The following RHOBTB3 variants were observed in gnomAD, a reference collection of about 807,000 sequenced individuals.
RHOBTB3 encodes Rho related BTB domain containing 3, also known as rho-related BTB domain-containing protein 3.
Under a neutral mutation model 67.2 loss-of-function variants are expected in RHOBTB3, and 47 were observed. That is an observed-to-expected ratio of 0.70 (90% CI 0.55 to 0.89). The LOEUF is 0.89. RHOBTB3 is among the 40% of genes least tolerant of loss of function. The pLI is 0.00. For synonymous variants in RHOBTB3, 273 were observed against 274.2 expected (o/e 1.00, Z 0.04); for missense variants, 631 against 750.0 (o/e 0.84, Z 1.85).
At chr5:95,775,080 G>A (rs1290772164) in intron 8 of RHOBTB3, among the ~76,000 whole-genome samples, 1 of 152,036 alleles carries the variant, frequency 6.6e-6, no homozygotes, top group African/African-American at 2.4e-5. Context: ...TAAAACACCT[G>A]GTTAGTGCAC....
upstream of RHOBTB3, chr5:95,731,103 G>C (rs1046753669): frequency 9.9e-6 from 11 of 1,106,582 alleles, no homozygotes; most frequent in African/African-American, 5.0e-5. Flanking sequence ...GGGAGCTCTC[G>C]GGCTGGGGCG....
intron 3 of RHOBTB3, among the ~76,000 whole-genome samples, chr5:95,741,825 A>G (rs1335788659): frequency 6.6e-6 from 1 of 152,016 alleles, no homozygotes; most frequent in African/African-American, 2.4e-5. Flanking sequence ...CGTTCTTCCT[A>G]TACTTATTGG....
intron 8 of RHOBTB3, among the ~76,000 whole-genome samples, chr5:95,777,887 T>C (rs571358511): frequency 6.6e-6 from 1 of 152,100 alleles, no homozygotes; most frequent in East Asian, 1.9e-4. Context: ...GAGGCTGAGG[T>C]GGGAGCATCA....
chr5:95,759,497 T>C (rs1350594192), intron 6 of RHOBTB3, among the ~76,000 whole-genome samples: 1 of 152,136 alleles, frequency 6.6e-6, no homozygotes, highest in Non-Finnish European at 1.5e-5. Context: ...GAGAAAAAAA[T>C]TTACCCAGAT....
In RHOBTB3 at chr5:95,743,656, C is replaced by A. The variant is rs976452954; in HGVS notation, c.416-4677C>A. ...TTCTCCCTCCCTCTCTTTCTCCTTC[C>A]CCCTTCCTTCTTTCCTCCCCTCTTC... On this transcript the variant is annotated intron_variant, in intron 3 of 11. Coordinates refer to ENST00000379982, the MANE Select transcript of RHOBTB3 (RefSeq NM_014899.4). 3.4e-5 allele frequency among the ~76,000 whole-genome samples: 5 copies of A among 148,626 alleles called. No individual in the cohort carries two copies. The South Asian group carries it at 6.5e-4, about 19-fold the overall frequency.
intron 8 of RHOBTB3, among the ~76,000 whole-genome samples, chr5:95,771,441 G>C (rs1745709341): frequency 2.0e-5 from 3 of 152,166 alleles, no homozygotes; most frequent in Admixed American, 2.0e-4. Context: ...CTTCCGACAA[G>C]CCACGGCCAG....
intron 9 of RHOBTB3, 31 bp from the exon 10 acceptor site, chr5:95,783,766 C>T: frequency 1.9e-6 from 3 of 1,570,910 alleles, no homozygotes; most frequent in Non-Finnish European, 2.6e-6. Context: ...GTTTCATCAT[C>T]CACTTTCTCT....
intron 2 of RHOBTB3, among the ~76,000 whole-genome samples, chr5:95,733,061 G>A (rs1347132384): frequency 2.0e-5 from 3 of 152,066 alleles, no homozygotes; most frequent in Admixed American, 2.0e-4. Flanking sequence ...AAAGTATCAC[G>A]CCATTCTAAA....
intron 10 of RHOBTB3, among the ~76,000 whole-genome samples, chr5:95,784,223 A>G (rs903462113): frequency 6.6e-6 from 1 of 152,178 alleles, no homozygotes; most frequent in South Asian, 2.1e-4. Context: ...CCCTTAGTAG[A>G]GTCATTTGAA....
intron 10 of RHOBTB3, among the ~76,000 whole-genome samples, chr5:95,784,871 TGTG>T (rs1442891205): frequency 1.1e-4 from 16 of 152,172 alleles, no homozygotes; most frequent in Admixed American, 6.5e-5. Flanking sequence ...TTTCAGCACT[TGTG>T]GTAGTTATGG....
chr5:95,747,419 C>CTAAGAGTCTGTAGATTG (rs1744954368), intron 3 of RHOBTB3, among the ~76,000 whole-genome samples: 1 of 152,232 alleles, frequency 6.6e-6, no homozygotes, highest in African/African-American at 2.4e-5. Flanking sequence ...TCTGCCTCCC[C>CTAAGAGTCTGTAGATTG]ACGGGAAGCC....
Position 95,741,713 on chromosome 5 carries a change from G to A in RHOBTB3, c.415+4638G>A, listed in dbSNP as rs573494844. On this transcript the variant is annotated intron_variant, in intron 3 of 11. Transcript: ENST00000379982. Reference sequence around the variant, plus strand: ...CCCAGTGGGTTTGGGGGGAGGGACCGTGTCTGTCATAATATGAACATTTTT... The same window carrying A: ...CCCAGTGGGTTTGGGGGGAGGGACCATGTCTGTCATAATATGAACATTTTT... Among the ~76,000 whole-genome samples, 4 of 151,756 alleles carry A rather than the reference G, an allele frequency of 2.6e-5. No individual in the cohort carries two copies. In the South Asian group the frequency reaches 8.3e-4, roughly 32 times the overall value.
rs1199367263 is a variant in RHOBTB3 at position 95,736,841 on chromosome 5, G to T, written c.229-48G>T. ...TAATGTCATAAATTATTTCAGGATT[G>T]ATTGGACGATAAGTAGACTAAAGAT... is the stretch of plus-strand genomic sequence containing the variant. On this transcript the variant is annotated intron_variant, in intron 2 of 11. Transcript: ENST00000379982. 4.1e-6 allele frequency: 5 copies of T among 1,213,886 alleles called. No individual in the cohort carries two copies. In the African/African-American group the frequency reaches 4.7e-5, roughly 11 times the overall value. 75.2% of individuals were successfully genotyped at this position (1,213,886 alleles called of 1,614,324 possible).
chr5:95,785,236 C>CATT (rs1451607391), intron 10 of RHOBTB3, among the ~76,000 whole-genome samples: 1 of 152,190 alleles, frequency 6.6e-6, no homozygotes, highest in Non-Finnish European at 1.5e-5. Context: ...TTTTGGACTT[C>CATT]ATTTCTCTCA....
rs200714182 is a variant in RHOBTB3, at chr5:95,748,355, A to G, written c.438A>G (p.Pro146=). 6.2e-7 allele frequency: 1 copy of G among 1,609,716 alleles called. No homozygotes were observed. The highest frequency in any genetic ancestry group is 1.1e-5 in the South Asian group (1 of 90,104). Residue 146 remains proline, a synonymous_variant, in exon 4 of 12, where the codon CCA becomes CCG. Coordinates refer to ENST00000379982, the MANE Select transcript of RHOBTB3 (RefSeq NM_014899.4). ...CAGAAGAGTTACCTTGTACATGCCC[A>G]CTATGTACCTCAGACAGAGGGAGCT... ...RQNEELPCTC[P]LCTSDRGSCV...
chr5:95,776,447 A>C (rs1385182939), intron 8 of RHOBTB3, among the ~76,000 whole-genome samples: 1 of 151,986 alleles, frequency 6.6e-6, no homozygotes, highest in African/African-American at 2.4e-5. Flanking sequence ...AAATTTAAAA[A>C]ATGTAATTTA....
intron 2 of RHOBTB3, 45 bp from the exon 3 acceptor site, chr5:95,736,844 T>C (rs1755464578): frequency 8.0e-7 from 1 of 1,251,954 alleles, no homozygotes; most frequent in East Asian, 2.6e-5. Flanking sequence ...CAGGATTGAT[T>C]GGACGATAAG....
intron 5 of RHOBTB3, 26 bp downstream of exon 5, chr5:95,752,376 C>A: frequency 7.2e-7 from 1 of 1,387,188 alleles, no homozygotes; most frequent in Non-Finnish European, 1.0e-6. Context: ...AATGTCTAGA[C>A]ATTCATTAAA....
intron 8 of RHOBTB3, among the ~76,000 whole-genome samples, chr5:95,771,958 T>TA (rs1331752967): frequency 2.7e-5 from 3 of 110,854 alleles, no homozygotes; most frequent in East Asian, 2.0e-4. Context: ...AAATTAGCTT[T>TA]TAAAAAAAAA....
Sources: gnomAD v4.1 joint callset for allele counts (sites outside exome capture counted in the v4.1 genomes callset) on GRCh38, gnomAD v4.1.1 for gene constraint, MANE v1.5 for transcripts, NCBI Gene and HGNC (gene_info 2026-07-23, HGNC 2026-07-21) for gene names.